Variants in ZCCHC8 observed in about 807,000 individuals in gnomAD.
ZCCHC8 encodes zinc finger CCHC-type containing 8.
A neutral mutation model predicts 70.6 loss-of-function variants in ZCCHC8; 27 were observed. That is an observed-to-expected ratio of 0.38 (90% CI 0.28 to 0.53). ZCCHC8 has a LOEUF of 0.53. Among genes scored for constraint, ZCCHC8 ranks in the 20% least tolerant of loss-of-function variants. The pLI, the probability that ZCCHC8 is intolerant of heterozygous loss-of-function variation, is 0.81. For missense variants in ZCCHC8, 737 were observed against 876.9 expected, an observed-to-expected ratio of 0.84 and a Z score of 2.01; for synonymous variants, 293 against 317.4, an observed-to-expected ratio of 0.92 and a Z score of 0.82.
rs1014822702 is a variant in ZCCHC8, at chr12:122,473,364, T to C, written c.*133A>G. On this transcript the variant is annotated 3_prime_UTR_variant, in exon 14 of 14. Coordinates refer to ENST00000633063, the MANE Select transcript of ZCCHC8 (RefSeq NM_017612.5). ...AGTCTTTCTTTAAAATAGGCTTGAC[T>C]TTGGAACATGAACCTTGGATAGATT... 5.6e-6 allele frequency: 6 copies of C among 1,067,174 alleles called. No homozygotes were observed. In the African/African-American group the frequency reaches 9.7e-5, roughly 17 times the overall value. 66.1% of individuals were successfully genotyped at this position (1,067,174 alleles called of 1,614,324 possible). A position where few individuals can be genotyped will look rare whatever the true frequency, so the allele number is the denominator to read the frequency against.
At chr12:122,498,425 G>A (rs1014255094) in intron 2 of ZCCHC8, among the ~76,000 whole-genome samples, 1 of 151,818 alleles carries the variant, frequency 6.6e-6, no homozygotes, top group East Asian at 1.9e-4. Flanking sequence ...CACTGCCCCT[G>A]GCCCATTATA....
rs776307057 is a variant in ZCCHC8, at chr12:122,489,364, A to T, written c.501+22T>A. 1.9e-6 allele frequency: 3 copies of T among 1,611,300 alleles called. No individual in the cohort carries two copies. In the East Asian group the frequency reaches 6.7e-5, roughly 36 times the overall value. ...AGGAAACACCTATTGGCTGAATTCA[A>T]AACTGAAATGTCCAAACTTACACTG... is the stretch of plus-strand genomic sequence containing the variant. On this transcript the variant is annotated intron_variant, in intron 5 of 13. Transcript: ENST00000633063.
In ZCCHC8 at chr12:122,483,429, A is replaced by G; in HGVS notation, c.605+31T>C. 1 of 1,573,372 alleles carries G rather than the reference A, an allele frequency of 6.4e-7. No individual in the cohort carries two copies. Among genetic ancestry groups the G allele is most frequent in the South Asian group, 1.2e-5 (1 of 85,846 alleles). ...AAAGGTGAACTTAGTGGCAAGATGC[A>G]TAAAAGATCTTCATTCACTATGTAG... On this transcript the variant is annotated intron_variant, in intron 6 of 13. Transcript: ENST00000633063. This position sits in a 1 kb window ranked among gnomAD's most constrained non-coding sequence, Gnocchi z 4.4.
At chr12:122,475,888 C>G (rs918967895) in intron 13 of ZCCHC8, among the ~76,000 whole-genome samples, 2 of 152,210 alleles carry the variant, frequency 1.3e-5, no homozygotes, top group Non-Finnish European at 2.9e-5. Context: ...CCAGCTGTCA[C>G]CCTGCTGCTG....
rs753947796 is a variant in ZCCHC8, at chr12:122,474,213, G to C, written c.1408C>G (p.Pro470Ala). The change falls in exon 14 of 14, where the codon CCT becomes GCT. Residue 470 changes from proline to alanine, a missense_variant. Transcript: ENST00000633063. Reference protein sequence around the residue: ...ESFQFQPPLPPDTPPLPRGTP... With the variant: ...ESFQFQPPLPADTPPLPRGTP... ...CCCCGGGGGAGTGGAGGAGTGTCAG[G>C]AGGTAATGGTGGTTGAAACTGAAAA... The C allele has an allele frequency of 6.7e-7, 1 of 1,501,112 alleles. No homozygotes were observed. Among genetic ancestry groups the C allele is most frequent in the Admixed American group, 2.5e-5 (1 of 39,438 alleles). The allele number at this position is 1,501,112 out of a possible 1,614,324, so 93.0% of individuals were successfully genotyped here. A position where few individuals can be genotyped will look rare whatever the true frequency, so the allele number is the denominator to read the frequency against.
At chr12:122,478,549 GAAGATGTAGGCAGGAGTGACTGC>G (rs953719410) in intron 11 of ZCCHC8, 129 of 373,378 alleles carry the variant, frequency 3.5e-4, no homozygotes, top group African/African-American at 2.6e-3. Flanking sequence ...ACTGCAAGCA[GAAGATGTAGGCAGGAGTGACTGC>G]TATGGGGCCT....
intron 5 of ZCCHC8, among the ~76,000 whole-genome samples, chr12:122,488,857 C>A (rs1957691252): frequency 7.3e-6 from 1 of 136,970 alleles, no homozygotes; most frequent in Non-Finnish European, 1.5e-5. Context: ...GACGACAGGG[C>A]AAGACTCCGT....
intron 10 of ZCCHC8, 82 bp from the exon 11 acceptor site, chr12:122,480,393 G>T: frequency 1.7e-6 from 2 of 1,207,130 alleles, no homozygotes; most frequent in Non-Finnish European, 1.1e-6. Context: ...CCTGGAAAGT[G>T]CTTATAATCA....
intron 11 of ZCCHC8, among the ~76,000 whole-genome samples, chr12:122,479,772 TAAAAG>T (rs1957494279): frequency 6.6e-6 from 1 of 152,228 alleles, no homozygotes; most frequent in Admixed American, 6.5e-5. Flanking sequence ...AAAGATTCTA[TAAAAG>T]AAATTAAAAA....
intron 13 of ZCCHC8, among the ~76,000 whole-genome samples, chr12:122,474,886 C>G (rs1017172529): frequency 6.6e-6 from 1 of 151,472 alleles, no homozygotes; most frequent in African/African-American, 2.4e-5. Flanking sequence ...AGTTGTGCAC[C>G]ACCACGCCTG....
intron 13 of ZCCHC8, among the ~76,000 whole-genome samples, chr12:122,476,192 G>T (rs955302517): frequency 6.6e-6 from 1 of 152,210 alleles, no homozygotes; most frequent in East Asian, 1.9e-4. Context: ...GACAGAGAGT[G>T]GTAACTAGGG....
At chr12:122,482,893 C>T in intron 7 of ZCCHC8, 198 bp from the exon 8 acceptor site, 1 of 545,928 alleles carries the variant, frequency 1.8e-6, no homozygotes, top group South Asian at 3.1e-5. Context: ...AGTCTTTTAA[C>T]CAAGAACCCT....
At chr12:122,492,869 T>C (rs4636712) in intron 2 of ZCCHC8, 80 bp from the exon 3 acceptor site, 1 of 1,012,104 alleles carries the variant, frequency 9.9e-7, no homozygotes, top group African/African-American at 1.6e-5. Flanking sequence ...ATAACTTTTA[T>C]ACTTTTTTTT....
intron 8 of ZCCHC8, 125 bp from the exon 9 acceptor site, chr12:122,482,212 A>G: frequency 1.0e-6 from 1 of 1,000,676 alleles, no homozygotes; most frequent in Non-Finnish European, 1.4e-6. Context: ...ATAACGAACA[A>G]GTGTAAAAGA....
chr12:122,485,935 A>T (rs1051485983), intron 5 of ZCCHC8, among the ~76,000 whole-genome samples: 1 of 152,044 alleles, frequency 6.6e-6, no homozygotes, highest in Non-Finnish European at 1.5e-5. Flanking sequence ...TCATCAACAC[A>T]TTTGATCAGC....
chr12:122,480,145 A>G, intron 11 of ZCCHC8, 45 bp downstream of exon 11: 1 of 1,487,032 alleles, frequency 6.7e-7, no homozygotes, highest in South Asian at 1.2e-5. Context: ...CTTTAACATA[A>G]TAATATCACA....
At chr12:122,499,014 C>T (rs1957873647) in intron 1 of ZCCHC8, 145 bp from the exon 2 acceptor site, 2 of 773,558 alleles carry the variant, frequency 2.6e-6, no homozygotes, top group Non-Finnish European at 4.2e-6. Flanking sequence ...TATTGAGCTT[C>T]TATTTTGTTG....
chr12:122,500,741 C>A lies in ZCCHC8; in HGVS notation c.100G>T (p.Asp34Tyr). Residue 34 changes from aspartate to tyrosine, a missense_variant, in exon 1 of 14, where the codon GAC becomes TAC. Asp to Tyr is a radical substitution (Grantham distance 160). Coordinates refer to ENST00000633063, the MANE Select transcript of ZCCHC8 (RefSeq NM_017612.5). The surrounding 1 kb of genome is among the most constrained non-coding windows in gnomAD (Gnocchi z 4.8). Reference protein sequence around the residue: ...PKPVHTRFKDDDGDEEDENGV... With the variant: ...PKPVHTRFKDYDGDEEDENGV... ...TTTTCGTCCTCCTCGTCGCCGTCGT[C>A]GTCCTTGAAGCGAGTGTGAACGGGC... The A allele has an allele frequency of 1.3e-6, 2 of 1,585,956 alleles. No individual in the cohort carries two copies. The highest frequency in any genetic ancestry group is 1.2e-5 in the South Asian group (1 of 86,794).
Position 122,482,466 on chromosome 12 carries a change from A to C in ZCCHC8, c.732+169T>G, listed in dbSNP as rs577561883. 88 of 474,142 alleles carry C rather than the reference A, an allele frequency of 1.9e-4. 1 individual carries two copies. The South Asian group carries it at 3.6e-3, about 19-fold the overall frequency. The allele number at this position is 474,142 out of a possible 1,614,324, so 29.4% of individuals were successfully genotyped here. On this transcript the variant is annotated intron_variant, in intron 8 of 13. Transcript: ENST00000633063. ...TTTAAATTATTTACTGAAAAAATTTAATGTCTTAAAATATGAACACAAATT... is the reference window on the plus strand; with the variant it reads ...TTTAAATTATTTACTGAAAAAATTTCATGTCTTAAAATATGAACACAAATT...
Sources: gnomAD v4.1 joint callset for allele counts (sites outside exome capture counted in the v4.1 genomes callset) on GRCh38, gnomAD v4.1.1 for gene constraint, Gnocchi (gnomAD v3.1) non-coding constraint, MANE v1.5 for transcripts, NCBI Gene and HGNC (gene_info 2026-07-23, HGNC 2026-07-21) for gene names.